DNA2: variants seen among roughly 807,000 people sequenced by gnomAD.
DNA2 encodes the protein DNA replication helicase/nuclease 2, also known as DNA replication ATP-dependent helicase/nuclease DNA2.
DNA2 carries 101 observed loss-of-function variants against 119.1 expected under a neutral mutation model. The ratio of observed to expected loss-of-function variants is 0.85; its 90% confidence interval spans 0.72 to 1.00. The LOEUF is 1.00. Ranked by LOEUF, DNA2 falls within the 50% of genes least tolerant of loss-of-function variation. The pLI, the probability that DNA2 is intolerant of heterozygous loss-of-function variation, is 0.00. For missense variants in DNA2, 1,121 were observed against 1,255.5 expected (o/e 0.89, Z 1.62); for synonymous variants, 366 against 424.4 (o/e 0.86, Z 1.69).
At chr10:68,418,920 G>A (rs959724032) in intron 19 of DNA2, 114 bp downstream of exon 19, 8 of 856,122 alleles carry the variant, frequency 9.3e-6, no homozygotes, top group African/African-American at 3.5e-5. Flanking sequence ...TGATCCACCC[G>A]CCTTGGCCTC....
chr10:68,426,097 T>C (rs2051737098), intron 14 of DNA2, among the ~76,000 whole-genome samples: 1 of 151,384 alleles, frequency 6.6e-6, no homozygotes, highest in Admixed American at 6.6e-5. Context: ...GATCGGGCCA[T>C]TGCACTCCAG....
chr10:68,461,851 A>G (rs1176205762), intron 4 of DNA2, among the ~76,000 whole-genome samples: 1 of 145,070 alleles, frequency 6.9e-6, no homozygotes, highest in Non-Finnish European at 1.5e-5. Context: ...AAAAAAAAAA[A>G]ATAGAGGCTG....
rs769133655 is a variant in DNA2 at position 68,416,049 on chromosome 10, G to A, written c.3114+660C>T. Among the ~76,000 whole-genome samples the A allele has an allele frequency of 1.9e-4, 29 of 152,226 alleles. No individual in the cohort carries two copies. In the South Asian group the frequency reaches 2.1e-3, roughly 11 times the overall value. On this transcript the variant is annotated intron_variant, in intron 20 of 20. Coordinates refer to ENST00000358410, the MANE Select transcript of DNA2 (RefSeq NM_001080449.3). ...AAAAATTAGCCAAGCGTGGTGGTAC[G>A]TACCTGTGGTCCCAGATACTCAGAA...
chr10:68,464,322 G>T (rs929209536), intron 4 of DNA2, among the ~76,000 whole-genome samples: 1 of 151,670 alleles, frequency 6.6e-6, no homozygotes, highest in African/African-American at 2.4e-5. Context: ...AAACCAGCCT[G>T]GCCAACATGG....
chr10:68,445,163 C>T (rs1185017964), intron 7 of DNA2, 80 bp from the exon 8 acceptor site: 44 of 1,335,472 alleles, frequency 3.3e-5, no homozygotes, highest in Non-Finnish European at 4.4e-5. Flanking sequence ...GTAAAACTTG[C>T]AGATTTAAAA....
chr10:68,465,646 G>A (rs1371307071), intron 4 of DNA2, 21 bp downstream of exon 4: 1 of 1,540,614 alleles, frequency 6.5e-7, no homozygotes, highest in East Asian at 2.3e-5. Flanking sequence ...TATACCTGCA[G>A]TTCTTCTTAT....
chr10:68,465,058 A>T (rs754279436), intron 4 of DNA2, among the ~76,000 whole-genome samples: 1 of 141,896 alleles, frequency 7.0e-6, no homozygotes, highest in Non-Finnish European at 1.5e-5. Context: ...TTGCTTTGTC[A>T]CCCAGGCTGG....
chr10:68,459,842 C>T (rs2052231478), intron 4 of DNA2, among the ~76,000 whole-genome samples: 1 of 152,062 alleles, frequency 6.6e-6, no homozygotes, highest in African/African-American at 2.4e-5. Flanking sequence ...GCCTGGCCAA[C>T]ATGGTGAAAC....
intron 4 of DNA2, among the ~76,000 whole-genome samples, chr10:68,463,111 G>A (rs1183608059): frequency 3.3e-5 from 5 of 149,626 alleles, no homozygotes; most frequent in Admixed American, 6.8e-5. Context: ...CAGCCTGGGC[G>A]ACAGAGCCAG....
chr10:68,416,039 G>A (rs1480852876), intron 20 of DNA2, among the ~76,000 whole-genome samples: 3 of 152,248 alleles, frequency 2.0e-5, no homozygotes, highest in South Asian at 2.1e-4. Context: ...TTAGCCAAGC[G>A]TGGTGGTACG....
chr10:68,430,415 T>C lies in DNA2; in HGVS notation c.2208+21A>G, dbSNP rs768125057. ...CTGTGGACATTAACTGTTAGTATTATTATACAATAATTGTGCTTACTTGAC... is the reference window on the plus strand; with the variant it reads ...CTGTGGACATTAACTGTTAGTATTACTATACAATAATTGTGCTTACTTGAC... On this transcript the variant is annotated intron_variant, in intron 14 of 20. Coordinates refer to ENST00000358410, the MANE Select transcript of DNA2 (RefSeq NM_001080449.3). 3 of 1,501,874 alleles carry C rather than the reference T, an allele frequency of 2.0e-6. No homozygotes were observed. The South Asian group carries it at 3.6e-5, about 18-fold the overall frequency. 93.0% of individuals were successfully genotyped at this position (1,501,874 alleles called of 1,614,324 possible).
At position 68,430,480 on chromosome 10, in the gene DNA2, A is replaced by T; in HGVS notation, c.2164T>A (p.Ser722Thr). 6.2e-7 allele frequency: 1 copy of T among 1,611,336 alleles called. No homozygotes were observed. The highest frequency in any genetic ancestry group is 1.1e-5 in the South Asian group (1 of 90,350). Residue 722 changes from serine (S) to threonine (T), a missense_variant, in exon 14 of 21, where the codon TCC (serine) becomes ACC (threonine). Physicochemically the swap from Ser to Thr is moderately conservative, Grantham distance 58. Transcript: ENST00000358410. ...FTEQEICRSK[S>T]IKSLALLEEL... ...TCTAGAAGAGCTAAGGATTTAATGG[A>T]CTTTGATCTGCAAATTTCTTGCTCT...
chr10:68,414,880 G>A lies in DNA2; in HGVS notation c.*159C>T. 4.2e-6 allele frequency: 2 copies of A among 471,084 alleles called. No individual in the cohort carries two copies. The highest frequency in any genetic ancestry group is 3.8e-5 in the Admixed American group (1 of 26,618). 29.2% of individuals were successfully genotyped at this position (471,084 alleles called of 1,614,324 possible). A position where few individuals can be genotyped will look rare whatever the true frequency, so the allele number is the denominator to read the frequency against. ...TTCTCTAGGTTAGGCAAAAATGCAT[G>A]CATAGAACCCATAAATTCAGACTTT... On this transcript the variant is annotated 3_prime_UTR_variant, in exon 21 of 21. Coordinates refer to ENST00000358410, the MANE Select transcript of DNA2 (RefSeq NM_001080449.3).
chr10:68,450,268 A>G, intron 5 of DNA2, 21 bp from the exon 6 acceptor site: 1 of 1,502,866 alleles, frequency 6.7e-7, no homozygotes, highest in South Asian at 1.2e-5. Flanking sequence ...AAAAAGCACA[A>G]AAACACTTAA....
intron 9 of DNA2, among the ~76,000 whole-genome samples, chr10:68,440,716 C>A (rs2051956796): frequency 6.6e-6 from 1 of 152,162 alleles, no homozygotes; most frequent in South Asian, 2.1e-4. Flanking sequence ...CATACGCAGT[C>A]TATCCACAAT....
At chr10:68,462,548 G>A (rs968930681) in intron 4 of DNA2, among the ~76,000 whole-genome samples, 1 of 145,188 alleles carries the variant, frequency 6.9e-6, no homozygotes, top group Non-Finnish European at 1.5e-5. Flanking sequence ...GAGAACTGCT[G>A]TTATAAACTT....
At chr10:68,418,254 A>C (rs1307707706) in intron 19 of DNA2, among the ~76,000 whole-genome samples, 1 of 152,074 alleles carries the variant, frequency 6.6e-6, no homozygotes, top group African/African-American at 2.4e-5. Flanking sequence ...TCTCTAGAAA[A>C]GTACAAAAAT....
chr10:68,456,837 T>TA (rs1213393803), intron 5 of DNA2, among the ~76,000 whole-genome samples: 76 of 141,214 alleles, frequency 5.4e-4, no homozygotes, highest in African/African-American at 7.8e-4. Context: ...TCTGCCAGTT[T>TA]AAAAAAAAAA....
chr10:68,455,244 A>G (rs1485404152), intron 5 of DNA2, among the ~76,000 whole-genome samples: 1 of 152,052 alleles, frequency 6.6e-6, no homozygotes. Context: ...GGCCGATAAA[A>G]TTAACTTTCT....
Sources: allele counts gnomAD v4.1 joint callset (sites outside exome capture counted in the v4.1 genomes callset), GRCh38; gene constraint gnomAD v4.1.1; transcripts MANE v1.5; gene names NCBI Gene and HGNC (gene_info 2026-07-23, HGNC 2026-07-21).